Variants in CACNG3 observed in about 807,000 individuals in gnomAD.
CACNG3 encodes the protein calcium voltage-gated channel auxiliary subunit gamma 3, also known as voltage-dependent calcium channel gamma-3 subunit.
In CACNG3, 3 loss-of-function variants were observed where a neutral mutation model predicts 28.5. The ratio of observed to expected loss-of-function variants is 0.11; its 90% confidence interval spans 0.05 to 0.27. CACNG3 has a LOEUF of 0.27. Among genes scored for constraint, CACNG3 ranks in the 10% least tolerant of loss-of-function variants. CACNG3 has a pLI of 1.00. For synonymous variants in CACNG3, 174 were observed against 162.2 expected (o/e 1.07, Z -0.55); for missense variants, 236 against 414.4 (o/e 0.57, Z 3.74).
At chr16:24,308,405 C>T (rs1899214351) in intron 1 of CACNG3, among the ~76,000 whole-genome samples, 1 of 152,166 alleles carries the variant, frequency 6.6e-6, no homozygotes, top group Non-Finnish European at 1.5e-5. Context: ...TTTCCCTTCC[C>T]TGTGCTTGAG....
intron 1 of CACNG3, among the ~76,000 whole-genome samples, chr16:24,335,768 A>T (rs1004876683): frequency 6.6e-6 from 1 of 152,024 alleles, no homozygotes; most frequent in Non-Finnish European, 1.5e-5. Context: ...CATGGATACT[A>T]TGATGATTTC....
At chr16:24,350,906 C>T (rs1375713170) in intron 2 of CACNG3, among the ~76,000 whole-genome samples, 3 of 152,150 alleles carry the variant, frequency 2.0e-5, no homozygotes, top group Admixed American at 2.0e-4. Flanking sequence ...CATATGTGTA[C>T]ATTTTTACAA....
At chr16:24,294,481 G>A (rs1266223580) in intron 1 of CACNG3, among the ~76,000 whole-genome samples, 1 of 152,202 alleles carries the variant, frequency 6.6e-6, no homozygotes, top group Non-Finnish European at 1.5e-5. Context: ...GCCAGGGGAT[G>A]CTTGGCAAGG....
At chr16:24,301,535 A>G (rs986161534) in intron 1 of CACNG3, among the ~76,000 whole-genome samples, 2 of 152,192 alleles carry the variant, frequency 1.3e-5, no homozygotes, top group African/African-American at 4.8e-5. Context: ...GAGAGGGTGC[A>G]GGCAGGAAAG....
intron 1 of CACNG3, among the ~76,000 whole-genome samples, chr16:24,323,722 G>A (rs1476854448): frequency 3.3e-5 from 5 of 152,190 alleles, no homozygotes; most frequent in Admixed American, 3.3e-4. Flanking sequence ...AGGGCAGAGG[G>A]AAGAAGAATA....
At chr16:24,291,903 A>G (rs1898973469) in intron 1 of CACNG3, among the ~76,000 whole-genome samples, 1 of 152,154 alleles carries the variant, frequency 6.6e-6, no homozygotes, top group Non-Finnish European at 1.5e-5. Flanking sequence ...AAGATGAGAA[A>G]CTGAAGACAG....
At chr16:24,300,923 C>A (rs913329298) in intron 1 of CACNG3, among the ~76,000 whole-genome samples, 1 of 151,924 alleles carries the variant, frequency 6.6e-6, no homozygotes, top group African/African-American at 2.4e-5. Flanking sequence ...GTGGCACACA[C>A]TTGTGGTCCC....
chr16:24,257,363 A>AG lies in CACNG3; in HGVS notation c.211+404dup, dbSNP rs201769838. On this transcript the variant is annotated intron_variant, in intron 1 of 3. Transcript: ENST00000005284. ...GAGAAGGGACAAGAGGAAAGAAGTG[A>AG]GGGGGGAGAGAGAGAGAGAGAGAGA... 9.4e-3 allele frequency among the ~76,000 whole-genome samples: 636 copies of AG among 67,404 alleles called. 107 individuals are homozygous for AG. Among genetic ancestry groups the AG allele is most frequent in the Non-Finnish European group, 0.014 (458 of 33,362 alleles). 44.2% of individuals were successfully genotyped at this position (67,404 alleles called of 152,430 possible). A position where few individuals can be genotyped will look rare whatever the true frequency, so the allele number is the denominator to read the frequency against.
intron 3 of CACNG3, among the ~76,000 whole-genome samples, chr16:24,360,080 T>C (rs1363900740): frequency 6.6e-6 from 1 of 152,004 alleles, no homozygotes; most frequent in African/African-American, 2.4e-5. Flanking sequence ...CTGGAAATGG[T>C]TACTCACCAA....
intron 1 of CACNG3, among the ~76,000 whole-genome samples, chr16:24,266,649 A>G (rs1489754760): frequency 6.6e-6 from 1 of 152,190 alleles, no homozygotes; most frequent in Non-Finnish European, 1.5e-5. Context: ...AGAATTCAGG[A>G]TTTGACTAGC....
intron 1 of CACNG3, among the ~76,000 whole-genome samples, chr16:24,295,925 G>A (rs1402326693): frequency 6.6e-6 from 1 of 152,148 alleles, no homozygotes; most frequent in Non-Finnish European, 1.5e-5. Flanking sequence ...AAAAAACTGA[G>A]GCTTAGAGAG....
chr16:24,345,635 G>A lies in CACNG3; in HGVS notation c.212-1099G>A, dbSNP rs183197805. The stretch of plus-strand genomic sequence containing the variant: ...TAATCTCTTGAACCCGGGAGGCAGA[G>A]GTTGCAGTGAGCCGAGATCGTGCCA... On this transcript the variant is annotated intron_variant, in intron 1 of 3. Transcript: ENST00000005284. 3.2e-4 allele frequency among the ~76,000 whole-genome samples: 49 copies of A among 152,342 alleles called. 1 individual carries two copies. Among genetic ancestry groups the A allele is most frequent in the African/African-American group, 9.9e-4 (41 of 41,574 alleles).
chr16:24,263,129 A>T (rs1898557268), intron 1 of CACNG3, among the ~76,000 whole-genome samples: 1 of 152,214 alleles, frequency 6.6e-6, no homozygotes, highest in Non-Finnish European at 1.5e-5. Context: ...GAGAAAATGC[A>T]CATAATTTTT....
At chr16:24,316,646 C>T (rs928252628) in intron 1 of CACNG3, among the ~76,000 whole-genome samples, 1 of 152,188 alleles carries the variant, frequency 6.6e-6, no homozygotes, top group Non-Finnish European at 1.5e-5. Context: ...AGTTGAGACA[C>T]CCCCAGACTC....
At chr16:24,354,667 A>T (rs1469991177) in intron 2 of CACNG3, among the ~76,000 whole-genome samples, 166 bp from the exon 3 acceptor site, 1 of 151,954 alleles carries the variant, frequency 6.6e-6, no homozygotes, top group Non-Finnish European at 1.5e-5. Context: ...AAGTGCCAAG[A>T]CTCCTTCTAA....
intron 2 of CACNG3, among the ~76,000 whole-genome samples, chr16:24,350,500 C>T (rs1331580821): frequency 6.6e-6 from 1 of 152,060 alleles, no homozygotes; most frequent in East Asian, 1.9e-4. Context: ...TGGGGTCCCC[C>T]TGTGTTGCCC....
chr16:24,326,257 C>T (rs942943495), intron 1 of CACNG3, among the ~76,000 whole-genome samples: 3 of 152,060 alleles, frequency 2.0e-5, no homozygotes, highest in African/African-American at 4.8e-5. Flanking sequence ...CCACAACCTC[C>T]GCCTCCTAGG....
At chr16:24,348,428 TG>T (rs1312653485) in intron 2 of CACNG3, among the ~76,000 whole-genome samples, 1 of 152,054 alleles carries the variant, frequency 6.6e-6, no homozygotes, top group Non-Finnish European at 1.5e-5. Context: ...CTACACGGTG[TG>T]GAGGATAGTG....
intron 2 of CACNG3, among the ~76,000 whole-genome samples, chr16:24,350,655 T>G (rs1187007712): frequency 6.6e-6 from 1 of 152,212 alleles, no homozygotes; most frequent in Non-Finnish European, 1.5e-5. Context: ...AACATTCAAA[T>G]CATTTTCTTA....
Sources: allele counts gnomAD v4.1 joint callset (sites outside exome capture counted in the v4.1 genomes callset), GRCh38; gene constraint gnomAD v4.1.1; transcripts MANE v1.5; gene names NCBI Gene and HGNC (gene_info 2026-07-23, HGNC 2026-07-21).